Variants in ZNF518A observed in about 807,000 individuals in gnomAD.
The protein encoded by ZNF518A is zinc finger protein 518A.
In ZNF518A, 47 loss-of-function variants were observed where a neutral mutation model predicts 102.7. The ratio of observed to expected loss-of-function variants is 0.46; its 90% CI spans 0.36 to 0.58. ZNF518A has a LOEUF of 0.58. ZNF518A is among the 20% of genes least tolerant of loss of function. The pLI, the probability that ZNF518A is intolerant of heterozygous loss-of-function variation, is 0.00. For missense variants in ZNF518A, 1,793 were observed against 1,699.8 expected (o/e 1.05, Z -0.96); for synonymous variants, 652 against 594.6 (o/e 1.10, Z -1.40).
In ZNF518A at chr10:96,160,434, A is replaced by G. The variant is rs1029852125; in HGVS notation, c.4112A>G (p.Asn1371Ser). The G allele has an allele frequency of 4.3e-6, 7 of 1,613,236 alleles. No individual in the cohort carries two copies. In the African/African-American group the frequency reaches 9.3e-5, roughly 22 times the overall value. The change falls in exon 6 of 6, where the codon AAT (asparagine) becomes AGT (serine). Residue 1371 changes from asparagine to serine, a missense_variant. Physicochemically the swap from Asn to Ser is conservative, Grantham distance 46 (BLOSUM62 1). This residue lies in a region of ZNF518A where 1,741 missense variants were observed against 1,622.6 expected (regional missense o/e 1.07). Transcript: ENST00000316045. The part of the protein sequence containing the change: ...VSVMKTIAKF[N>S]GHVLKVSLSK... ...GTAATGAAAACTATTGCTAAATTTAATGGACATGTACTTAAGGTTTCATTG... is the reference window on the plus strand; with the variant it reads ...GTAATGAAAACTATTGCTAAATTTAGTGGACATGTACTTAAGGTTTCATTG...
At chr10:96,204,336 C>T (rs1220718248), downstream of ZNF518A, 1 of 713,482 alleles carries the variant, frequency 1.4e-6, no homozygotes, top group Non-Finnish European at 2.4e-6. Flanking sequence ...AATAATTAAC[C>T]CAATTAGTAG....
Position 96,157,054 on chromosome 10 carries a change from T to C in ZNF518A, c.732T>C (p.Phe244=). ...GTGGTAAATGTCATCATGTATGTTTTACCAAAGGAGAGCTTCAGAAGCACC... is the reference window on the plus strand; with the variant it reads ...GTGGTAAATGTCATCATGTATGTTTCACCAAAGGAGAGCTTCAGAAGCACC... ...YKCGKCHHVC[F]TKGELQKHLH... Residue 244 remains phenylalanine, a synonymous_variant, in exon 6 of 6, where the codon TTT becomes TTC. Transcript: ENST00000316045. 6.2e-7 allele frequency: 1 copy of C among 1,613,690 alleles called. No individual in the cohort carries two copies.
intron 1 of ZNF518A, among the ~76,000 whole-genome samples, chr10:96,187,164 A>G (rs973445029): frequency 6.6e-6 from 1 of 152,258 alleles, no homozygotes; most frequent in Non-Finnish European, 1.5e-5. Context: ...CACAATTATA[A>G]TTACTAAGTG....
rs587746102 is a variant in ZNF518A at position 96,172,324 on chromosome 10, A to T, written n.35+16277A>T. On this transcript the variant is annotated intron_variant and non_coding_transcript_variant, in intron 1 of 2. Transcript: ENST00000442635. ...TGTTATAACAACACAAGGAAAGTAG[A>T]TGGGAATAAAGCTATTTTGCAGTAA... 3.3e-4 allele frequency among the ~76,000 whole-genome samples: 50 copies of T among 152,252 alleles called. 2 individuals carry two copies. The South Asian group carries it at 9.7e-3, about 30-fold the overall frequency.
Position 96,160,218 on chromosome 10 carries a change from G to C in ZNF518A, c.3896G>C (p.Cys1299Ser), listed in dbSNP as rs1300508211. 1.2e-6 allele frequency: 2 copies of C among 1,612,208 alleles called. No homozygotes were observed. Among genetic ancestry groups the C allele is most frequent in the Admixed American group, 3.4e-5 (2 of 59,656 alleles). Residue 1299 changes from cysteine to serine, a missense_variant, in exon 6 of 6, where the codon TGT becomes TCT. Physicochemically the swap from Cys to Ser is moderately radical, Grantham distance 112. Transcript: ENST00000316045. ...PRRKATLHRK[C>S]KEKAKPEDVR... ...AGAAAAGCAACATTGCATAGAAAGT[G>C]TAAAGAAAAGGCAAAACCTGAAGAT...
At chr10:96,153,722 T>G (rs782421295) in intron 3 of ZNF518A, among the ~76,000 whole-genome samples, 2 of 152,188 alleles carry the variant, frequency 1.3e-5, no homozygotes, top group African/African-American at 2.4e-5. Context: ...TTTGAACCCC[T>G]TGTATTTGAA....
At chr10:96,142,210 A>T (rs2081960317) in intron 3 of ZNF518A, among the ~76,000 whole-genome samples, 1 of 152,204 alleles carries the variant, frequency 6.6e-6, no homozygotes, top group Non-Finnish European at 1.5e-5. Flanking sequence ...GCTGCAAAAA[A>T]AAGTAAGCCC....
Position 96,160,805 on chromosome 10 carries a change from A to T in ZNF518A, c.*31A>T. The T allele has an allele frequency of 6.7e-7, 1 of 1,493,086 alleles. No individual in the cohort carries two copies. Among genetic ancestry groups the T allele is most frequent in the Non-Finnish European group, 8.9e-7 (1 of 1,125,334 alleles). The allele number at this position is 1,493,086 out of a possible 1,614,324, so 92.5% of individuals were successfully genotyped here. On this transcript the variant is annotated 3_prime_UTR_variant, in exon 6 of 6. Coordinates refer to ENST00000316045, the MANE Select transcript of ZNF518A (RefSeq NM_001330736.2). Reference sequence around the variant, plus strand: ...CATAATTACCAAGGAAAAGAAAAGTAAAATTACCTTAGAAGAAAACAACGG... The same window carrying T: ...CATAATTACCAAGGAAAAGAAAAGTTAAATTACCTTAGAAGAAAACAACGG...
In ZNF518A at chr10:96,152,640, G is replaced by A. The variant is rs150688880; in HGVS notation, c.-301-2686G>A. Among the ~76,000 whole-genome samples the A allele has an allele frequency of 3.3e-5, 5 of 152,324 alleles. No homozygotes were observed. The East Asian group carries it at 9.6e-4, about 29-fold the overall frequency. ...ATTTTGTCATTGTGTGAACATCAGA[G>A]TGTACTTACACAAACCTAGATGGTA... is the stretch of plus-strand genomic sequence containing the variant. On this transcript the variant is annotated intron_variant, in intron 3 of 5. Transcript: ENST00000316045.
intron 3 of ZNF518A, 149 bp from the exon 4 acceptor site, chr10:96,155,177 C>T (rs1419873977): frequency 2.0e-5 from 3 of 152,100 alleles, no homozygotes; most frequent in Non-Finnish European, 2.9e-5. Flanking sequence ...TGTTATGTCC[C>T]ATACGTGGTA....
chr10:96,189,764 T>C, intron 1 of ZNF518A: 1 of 784,408 alleles, frequency 1.3e-6, no homozygotes, highest in Non-Finnish European at 2.2e-6. Flanking sequence ...ACTTTTATTC[T>C]CTGGAATCTT....
intron 1 of ZNF518A, among the ~76,000 whole-genome samples, chr10:96,175,356 T>G (rs1554891319): frequency 6.6e-6 from 1 of 152,240 alleles, no homozygotes; most frequent in Non-Finnish European, 1.5e-5. Context: ...GGATGGGTCC[T>G]GATTGCCAGC....
intron 1 of ZNF518A, among the ~76,000 whole-genome samples, chr10:96,170,338 C>T (rs2083166434): frequency 6.6e-6 from 1 of 152,160 alleles, no homozygotes; most frequent in South Asian, 2.1e-4. Flanking sequence ...AGCTCTGGAC[C>T]AACTCCAAGT....
chr10:96,156,915 C>T lies in ZNF518A; in HGVS notation c.593C>T (p.Thr198Ile), dbSNP rs1554882860. 6.2e-7 allele frequency: 1 copy of T among 1,613,864 alleles called. No homozygotes were observed. The highest frequency in any genetic ancestry group is 1.3e-5 in the African/African-American group (1 of 75,058). The part of the protein sequence containing the change: ...YTLLNLTKHF[T>I]STHCVNGNFQ... ...TTACTGAACTTGACAAAGCATTTCA[C>T]ATCCACACATTGTGTTAATGGTAAT... Residue 198 changes from threonine (T) to isoleucine (I), a missense_variant, in exon 6 of 6, where the codon ACA (threonine) becomes ATA (isoleucine). Physicochemically the swap from Thr to Ile is moderately conservative, Grantham distance 89 (BLOSUM62 -1). This residue lies in a region of ZNF518A where 1,741 missense variants were observed against 1,622.6 expected (regional missense o/e 1.07). Coordinates refer to ENST00000316045, the MANE Select transcript of ZNF518A (RefSeq NM_001330736.2).
chr10:96,184,037 T>C (rs1475927031), intron 1 of ZNF518A, among the ~76,000 whole-genome samples: 1 of 152,260 alleles, frequency 6.6e-6, no homozygotes, highest in African/African-American at 2.4e-5. Flanking sequence ...TTAGCTCTTC[T>C]TGTTGAATTC....
In ZNF518A at chr10:96,158,783, G is replaced by C; in HGVS notation, c.2461G>C (p.Glu821Gln). ...TTGTGACCAGTCATTTCAAAAACAC[G>C]AGAGAGAAGGCAAAATTGTTGAATC... ...LHCDQSFQKH[E>Q]REGKIVESSK... Residue 821 changes from glutamate to glutamine, a missense_variant, in exon 6 of 6, where the codon GAG becomes CAG. Around this residue, in one of 3 missense-constraint regions of ZNF518A, gnomAD observed 1,741 missense variants for 1,622.6 expected, o/e 1.07. Transcript: ENST00000316045. The C allele has an allele frequency of 6.2e-7, 1 of 1,613,552 alleles. No individual in the cohort carries two copies. Among genetic ancestry groups the C allele is most frequent in the Non-Finnish European group, 8.5e-7 (1 of 1,179,672 alleles).
chr10:96,204,419 T>C (rs2083740999), downstream of ZNF518A: 5 of 1,202,976 alleles, frequency 4.2e-6, no homozygotes, highest in Non-Finnish European at 6.2e-6. Context: ...AACAATGAAA[T>C]GTTGGATTTT....
rs1248822555 is a variant in ZNF518A, at chr10:96,160,313, C to T, written c.3991C>T (p.Pro1331Ser). 1.3e-5 allele frequency: 21 copies of T among 1,613,466 alleles called. No homozygotes were observed. The highest frequency in any genetic ancestry group is 1.6e-5 in the Non-Finnish European group (19 of 1,179,686). Residue 1331 changes from proline (P) to serine (S), a missense_variant, in exon 6 of 6, where the codon CCT becomes TCT. This residue lies in a region of ZNF518A where 1,741 missense variants were observed against 1,622.6 expected (regional missense o/e 1.07). Coordinates refer to ENST00000316045, the MANE Select transcript of ZNF518A (RefSeq NM_001330736.2). ...KDSIRTLRLFPFSSKQLVKCP... is the reference protein window; with the variant it reads ...KDSIRTLRLFSFSSKQLVKCP... ...TTCCATCAGAACTTTGCGGCTTTTC[C>T]CTTTTAGTTCTAAACAGCTTGTGAA... is the stretch of plus-strand genomic sequence containing the variant.
intron 3 of ZNF518A, among the ~76,000 whole-genome samples, chr10:96,145,899 C>T (rs1377223867): frequency 6.6e-6 from 1 of 152,188 alleles, no homozygotes; most frequent in South Asian, 2.1e-4. Flanking sequence ...CTTGTGCTAT[C>T]ATAAGGTAGT....
Sources: allele counts gnomAD v4.1 joint callset (sites outside exome capture counted in the v4.1 genomes callset), GRCh38; gene constraint gnomAD v4.1.1; regional missense constraint gnomAD v4.1.1; transcripts MANE v1.5; gene names NCBI Gene and HGNC (gene_info 2026-07-23, HGNC 2026-07-21).